UBASH3A: variants seen among roughly 807,000 people sequenced by gnomAD.
UBASH3A encodes ubiquitin-associated and SH3 domain-containing protein A.
UBASH3A carries 63 observed loss-of-function variants against 73.5 expected under a neutral mutation model. The ratio of observed to expected loss-of-function variants is 0.86; its 90% CI spans 0.70 to 1.06. UBASH3A has a LOEUF of 1.06. UBASH3A is among the 50% of genes least tolerant of loss of function. The pLI, the probability that UBASH3A is intolerant of heterozygous loss-of-function variation, is 0.00. For synonymous variants in UBASH3A, 363 were observed against 351.1 expected, an observed-to-expected ratio of 1.03 and a Z score of -0.38; for missense variants, 860 against 859.0, an observed-to-expected ratio of 1.00 and a Z score of -0.02.
chr21:42,405,374 C>T (rs1360670313), intron 1 of UBASH3A, among the ~76,000 whole-genome samples: 1 of 152,190 alleles, frequency 6.6e-6, no homozygotes, highest in Non-Finnish European at 1.5e-5. Context: ...CTTTCCATGC[C>T]TTTGAAGGAG....
chr21:42,437,094 G>A (rs907692689), intron 10 of UBASH3A, among the ~76,000 whole-genome samples: 4 of 152,252 alleles, frequency 2.6e-5, no homozygotes, highest in African/African-American at 9.6e-5. Context: ...CCCAGCCCTA[G>A]TAGAGGCTGC....
At chr21:42,432,535 C>T (rs2053552827) in intron 9 of UBASH3A, among the ~76,000 whole-genome samples, 1 of 152,102 alleles carries the variant, frequency 6.6e-6, no homozygotes, top group African/African-American at 2.4e-5. Context: ...AAGAATAGTG[C>T]TTATAAATAC....
Position 42,413,220 on chromosome 21 carries a change from CA to C in UBASH3A, c.552del (p.Gly185AlafsTer20). 1 of 1,614,190 alleles carries C rather than the reference CA, an allele frequency of 6.2e-7. No homozygotes were observed. Among genetic ancestry groups the C allele is most frequent in the Non-Finnish European group, 8.5e-7 (1 of 1,180,020 alleles). ...MTFATEASLLAGTSVSRFWIF... is the reference protein window; with the variant it reads ...MTFATEASLLXGTSVSRFWIF... ...TTCGCCACGGAAGCATCTCTCTTAGCAGGTGGGCAGCCCTGGCCAGTTGCAA... is the reference window on the plus strand; with the variant it reads ...TTCGCCACGGAAGCATCTCTCTTAGCGGTGGGCAGCCCTGGCCAGTTGCAA... On this transcript the variant is annotated frameshift_variant and splice_region_variant, in exon 4 of 15. Transcript: ENST00000319294. LOFTEE classifies it high-confidence loss of function. This position sits in a 1 kb window ranked among gnomAD's most constrained non-coding sequence, Gnocchi z 4.5.
Position 42,447,222 on chromosome 21 carries a change from A to G in UBASH3A, c.*28A>G. 1 of 1,607,664 alleles carries G rather than the reference A, an allele frequency of 6.2e-7. No individual in the cohort carries two copies. ...GCCACGGTGATGTTGTCATAACCTC[A>G]GAGTGGAGAGGCAGAAACCATGTGC... On this transcript the variant is annotated 3_prime_UTR_variant, in exon 15 of 15. Coordinates refer to ENST00000319294, the MANE Select transcript of UBASH3A (RefSeq NM_018961.4).
chr21:42,442,534 C>T lies in UBASH3A; in HGVS notation c.1569C>T (p.Thr523=). ...EWTKWEAGKT[T]PTLMSLEELK... ...CAAAATGGGAAGCTGGCAAAACCAC[C>T]CCAACCCTCATGAGCCTGGAAGAGC... Residue 523 remains threonine (T), a synonymous_variant, in exon 12 of 15, where the codon ACC becomes ACT. Coordinates refer to ENST00000319294, the MANE Select transcript of UBASH3A (RefSeq NM_018961.4). The T allele has an allele frequency of 1.2e-6, 2 of 1,614,148 alleles. No individual in the cohort carries two copies. Among genetic ancestry groups the T allele is most frequent in the Non-Finnish European group, 1.7e-6 (2 of 1,180,016 alleles).
intron 7 of UBASH3A, among the ~76,000 whole-genome samples, chr21:42,425,803 C>T (rs911826492): frequency 6.6e-6 from 1 of 151,758 alleles, no homozygotes; most frequent in Non-Finnish European, 1.5e-5. Context: ...CTTGAGACCT[C>T]TATGGGAGAA....
chr21:42,443,677 C>G (rs1048527124), intron 13 of UBASH3A, among the ~76,000 whole-genome samples: 1 of 146,738 alleles, frequency 6.8e-6, no homozygotes, highest in Non-Finnish European at 1.5e-5. Context: ...GGAATGATCT[C>G]TGAGATGGAA....
At position 42,426,732 on chromosome 21, in the gene UBASH3A, C is replaced by G; in HGVS notation, c.1082C>G (p.Ser361Cys). 2 of 1,614,100 alleles carry G rather than the reference C, an allele frequency of 1.2e-6. No individual in the cohort carries two copies. The highest frequency in any genetic ancestry group is 8.5e-7 in the Non-Finnish European group (1 of 1,179,964). Residue 361 changes from serine to cysteine, a missense_variant, in exon 8 of 15, where the codon TCC becomes TGC. Coordinates refer to ENST00000319294, the MANE Select transcript of UBASH3A (RefSeq NM_018961.4). ...TTCAGTCTAGCCACAGACCTGAACT[C>G]CAGAAAGGATGGTGAAGCCAGCAGC... ...YTFSLATDLNSRKDGEASSRC... is the reference protein window; with the variant it reads ...YTFSLATDLNCRKDGEASSRC...
At chr21:42,410,534 C>A in intron 3 of UBASH3A, 1 of 351,102 alleles carries the variant, frequency 2.8e-6, no homozygotes, top group Non-Finnish European at 5.1e-6. Flanking sequence ...CAACCACCAC[C>A]CCGGATTGCC....
At chr21:42,406,960 C>T (rs762422027) in intron 2 of UBASH3A, among the ~76,000 whole-genome samples, 4 of 152,130 alleles carry the variant, frequency 2.6e-5, no homozygotes, top group Non-Finnish European at 5.9e-5. Context: ...TAGCGGCCAC[C>T]ATGCTCTCGG....
At chr21:42,424,924 C>T (rs919223624) in intron 7 of UBASH3A, among the ~76,000 whole-genome samples, 5 of 152,182 alleles carry the variant, frequency 3.3e-5, no homozygotes, top group South Asian at 2.1e-4. Flanking sequence ...TGTGAGGAAA[C>T]GAGGAGAAGT....
intron 13 of UBASH3A, among the ~76,000 whole-genome samples, 191 bp from the exon 14 acceptor site, chr21:42,444,343 G>A (rs2053808866): frequency 6.6e-6 from 1 of 152,198 alleles, no homozygotes; most frequent in Non-Finnish European, 1.5e-5. Flanking sequence ...GCGTGCAGAG[G>A]AATCCATGAG....
chr21:42,445,655 A>G lies in UBASH3A; in HGVS notation c.1848+1012A>G, dbSNP rs184181287. Among the ~76,000 whole-genome samples, 258 of 152,334 alleles carry G rather than the reference A, an allele frequency of 1.7e-3. 1 individual carries two copies. Among genetic ancestry groups the G allele is most frequent in the African/African-American group, 4.7e-3 (197 of 41,574 alleles). ...ATGAAGAGCATGCCTGCCGTGGGTC[A>G]TTGTCACTCAGCAATTAGGCATCAG... On this transcript the variant is annotated intron_variant, in intron 14 of 14. Coordinates refer to ENST00000319294, the MANE Select transcript of UBASH3A (RefSeq NM_018961.4).
intron 8 of UBASH3A, 33 bp from the exon 9 acceptor site, chr21:42,432,070 T>A (rs546543728): frequency 2.1e-6 from 3 of 1,414,814 alleles, no homozygotes; most frequent in African/African-American, 2.8e-5. Context: ...GATGTTAAAC[T>A]GCATGTGCCT....
rs2053776297 is a variant in UBASH3A, at chr21:42,443,060, T to C, written c.1632-252T>C. On this transcript the variant is annotated intron_variant, in intron 12 of 14. Transcript: ENST00000319294. ...AGTTTAGTCAAGGAGAGAGTCTTTG[T>C]CATTCTCCACCCATGTCTGACTCTG... 3 of 1,216,798 alleles carry C rather than the reference T, an allele frequency of 2.5e-6. No individual in the cohort carries two copies. In the East Asian group the frequency reaches 9.0e-5, roughly 36 times the overall value. The allele number at this position is 1,216,798 out of a possible 1,614,324, so 75.4% of individuals were successfully genotyped here. A position where few individuals can be genotyped will look rare whatever the true frequency, so the allele number is the denominator to read the frequency against.
chr21:42,431,783 G>A (rs373057815), intron 8 of UBASH3A, among the ~76,000 whole-genome samples: 6 of 152,192 alleles, frequency 3.9e-5, no homozygotes, highest in Non-Finnish European at 8.8e-5. Context: ...GTCCTAAGAC[G>A]TCTCTATGGG....
intron 7 of UBASH3A, among the ~76,000 whole-genome samples, chr21:42,419,836 T>C (rs1383515532): frequency 6.6e-6 from 1 of 152,260 alleles, no homozygotes; most frequent in Non-Finnish European, 1.5e-5. Context: ...TTACATGAGA[T>C]ACTCAACACT....
At chr21:42,442,244 T>C (rs1302310912) in intron 11 of UBASH3A, among the ~76,000 whole-genome samples, 3 of 152,220 alleles carry the variant, frequency 2.0e-5, no homozygotes, top group African/African-American at 7.2e-5. Context: ...ACTCCTCTGA[T>C]ACCTTCCCAC....
intron 10 of UBASH3A, among the ~76,000 whole-genome samples, chr21:42,436,395 C>T (rs768152167): frequency 1.3e-5 from 2 of 152,160 alleles, no homozygotes; most frequent in East Asian, 1.9e-4. Context: ...GACACTGAGT[C>T]GGGAGGAGAT....
Sources: gnomAD v4.1 joint callset for allele counts (sites outside exome capture counted in the v4.1 genomes callset) on GRCh38, gnomAD v4.1.1 for gene constraint, Gnocchi (gnomAD v3.1) non-coding constraint, MANE v1.5 for transcripts, NCBI Gene and HGNC (gene_info 2026-07-23, HGNC 2026-07-21) for gene names.